SAMD4B: variants seen among roughly 807,000 people sequenced by gnomAD.
The protein encoded by SAMD4B is protein Smaug homolog 2.
In SAMD4B, 5 loss-of-function variants were observed where a neutral mutation model predicts 74.5. The observed-to-expected ratio is 0.07, with a 90% confidence interval of 0.04 to 0.14. The LOEUF (loss-of-function observed/expected upper bound fraction) is 0.14, where lower values mean the gene tolerates loss of function less well. Ranked by LOEUF, SAMD4B falls within the 10% of genes least tolerant of loss-of-function variation. The pLI is 1.00. For missense variants in SAMD4B, 608 were observed against 921.8 expected (o/e 0.66, Z 4.41); for synonymous variants, 373 against 374.9 (o/e 1.00, Z 0.06).
At chr19:39,351,874 C>T (rs1297489566) in intron 1 of SAMD4B, 2 of 152,256 alleles carry the variant, frequency 1.3e-5, no homozygotes, top group Non-Finnish European at 2.9e-5. Context: ...CCCATGTCCA[C>T]TTCTGGAGCC....
intron 4 of SAMD4B, among the ~76,000 whole-genome samples, chr19:39,372,290 C>T (rs967194907): frequency 6.6e-6 from 1 of 152,088 alleles, no homozygotes; most frequent in African/African-American, 2.4e-5. Flanking sequence ...TGTGCCTATC[C>T]CTCTGCTAAG....
chr19:39,372,720 G>A (rs575923796), intron 4 of SAMD4B, among the ~76,000 whole-genome samples: 1 of 152,236 alleles, frequency 6.6e-6, no homozygotes, highest in African/African-American at 2.4e-5. Flanking sequence ...TTCCAGTCAG[G>A]GTAATTTCCT....
At chr19:39,364,225 T>C (rs972723139) in intron 3 of SAMD4B, among the ~76,000 whole-genome samples, 1 of 152,252 alleles carries the variant, frequency 6.6e-6, no homozygotes, top group African/African-American at 2.4e-5. Flanking sequence ...CCTGGGGTCC[T>C]GGCAGTACTC....
In SAMD4B at chr19:39,379,983, G is replaced by A. The variant is rs2077858495; in HGVS notation, c.1548G>A (p.Gln516=). 13 of 1,613,870 alleles carry A rather than the reference G, an allele frequency of 8.1e-6. No homozygotes were observed. The highest frequency in any genetic ancestry group is 1.1e-5 in the Non-Finnish European group (13 of 1,179,948). Residue 516 remains glutamine (Q), a synonymous_variant, in exon 10 of 14, where the codon CAG becomes CAA. Transcript: ENST00000610417. ...CLTHEAFTET[Q]KKRLLSWKQQ... is the part of the protein sequence containing the mutation. ...AATTCTAGGCTTTCACGGAGACGCA[G>A]AAGAAACGGCTGCTATCCTGGAAAC...
intron 3 of SAMD4B, among the ~76,000 whole-genome samples, chr19:39,362,112 G>T (rs908868512): frequency 6.6e-6 from 1 of 152,172 alleles, no homozygotes. Context: ...GAGCTGCCCA[G>T]TTGTCTGCTT....
At chr19:39,386,383 T>TGCC, downstream of SAMD4B, 2 of 1,614,168 alleles carry the variant, frequency 1.2e-6, no homozygotes, top group Non-Finnish European at 1.7e-6. This position sits in a 1 kb window ranked among gnomAD's most constrained non-coding sequence, Gnocchi z 6.1. Flanking sequence ...TCACTGCTGC[T>TGCC]GCCCTTCTCC....
rs746313910 is a variant in SAMD4B, at chr19:39,370,036, A to T, written c.578A>T (p.Lys193Met). The T allele has an allele frequency of 6.2e-7, 1 of 1,612,166 alleles. No individual in the cohort carries two copies. The highest frequency in any genetic ancestry group is 1.1e-5 in the South Asian group (1 of 90,740). Residue 193 changes from lysine (K) to methionine (M), a missense_variant, in exon 4 of 14, where the codon AAG (lysine) becomes ATG (methionine). Lys to Met is a moderately conservative substitution (Grantham distance 95). Coordinates refer to ENST00000610417, the MANE Select transcript of SAMD4B (RefSeq NM_001384574.2). ...PGEAGPGWQDKPPRENGHVPF... is the reference protein window; with the variant it reads ...PGEAGPGWQDMPPRENGHVPF... ...GAGGCAGGGCCAGGCTGGCAGGACA[A>T]GCCACCCCGGGAAAATGGACACGTG... is the stretch of plus-strand genomic sequence containing the variant.
downstream of SAMD4B, chr19:39,386,620 G>A (rs745975047): frequency 2.4e-5 from 38 of 1,608,292 alleles, no homozygotes; most frequent in Admixed American, 8.3e-5. The surrounding 1 kb of genome is among the most constrained non-coding windows in gnomAD (Gnocchi z 6.1). Flanking sequence ...GTTCTGCTGG[G>A]TTTTTGTCCC....
At chr19:39,382,613 T>C (rs540615504) in intron 12 of SAMD4B, among the ~76,000 whole-genome samples, 1 of 151,976 alleles carries the variant, frequency 6.6e-6, no homozygotes, top group East Asian at 1.9e-4. Flanking sequence ...GTTTAAGCAG[T>C]GTAGTGAGGG....
At chr19:39,380,358 C>T (rs1468444826) in intron 10 of SAMD4B, among the ~76,000 whole-genome samples, 1 of 152,146 alleles carries the variant, frequency 6.6e-6, no homozygotes, top group Non-Finnish European at 1.5e-5. Context: ...ACAGAAATGT[C>T]TCCTTTGAGA....
intron 4 of SAMD4B, among the ~76,000 whole-genome samples, chr19:39,371,864 G>A (rs2077326825): frequency 6.6e-6 from 1 of 151,574 alleles, no homozygotes; most frequent in Admixed American, 6.6e-5. Context: ...TCTTTACTAG[G>A]AGCTATTCTA....
chr19:39,376,339 CTTTTGAGGCTTCCTGTGGG>C, intron 5 of SAMD4B, 79 bp from the exon 6 acceptor site: 1 of 991,388 alleles, frequency 1.0e-6, no homozygotes, highest in Non-Finnish European at 1.5e-6. Flanking sequence ...TTTTTTGCAT[CTTTTGAGGCTTCCTGTGGG>C]TTTATCCCCA....
intron 4 of SAMD4B, among the ~76,000 whole-genome samples, chr19:39,374,274 A>G (rs1399886386): frequency 6.6e-6 from 1 of 152,086 alleles, no homozygotes; most frequent in East Asian, 1.9e-4. Flanking sequence ...AAAAAAAAAA[A>G]TCAAGTTGGA....
downstream of SAMD4B, among the ~76,000 whole-genome samples, chr19:39,387,904 G>A (rs889406146): frequency 2.6e-5 from 4 of 152,152 alleles, no homozygotes; most frequent in Non-Finnish European, 4.4e-5. Flanking sequence ...TTGGGAGGCC[G>A]AGGCAGGCAG....
chr19:39,388,482 A>G (rs1313858756), downstream of SAMD4B: 2 of 1,614,184 alleles, frequency 1.2e-6, no homozygotes, highest in Non-Finnish European at 8.5e-7. Flanking sequence ...AGATGAGGGC[A>G]CAGGTTCAGC....
At chr19:39,380,135 G>A in intron 10 of SAMD4B, 51 bp downstream of exon 10, 1 of 1,415,764 alleles carries the variant, frequency 7.1e-7, no homozygotes, top group East Asian at 2.3e-5. Flanking sequence ...GCCTTTGCTG[G>A]TTAGCAGATC....
chr19:39,367,674 A>C (rs2077046112), intron 3 of SAMD4B, among the ~76,000 whole-genome samples: 1 of 150,796 alleles, frequency 6.6e-6, no homozygotes, highest in African/African-American at 2.4e-5. Flanking sequence ...ATGCCCGGTT[A>C]ATTTTTGTAT....
intron 1 of SAMD4B, among the ~76,000 whole-genome samples, chr19:39,345,996 C>T (rs1267723487): frequency 1.3e-5 from 2 of 152,170 alleles, no homozygotes; most frequent in East Asian, 1.9e-4. Flanking sequence ...TGACCTGCCT[C>T]ACCCGTCCTG....
chr19:39,390,011 G>A, downstream of SAMD4B: 1 of 1,381,038 alleles, frequency 7.2e-7, no homozygotes, highest in Non-Finnish European at 1.0e-6. Context: ...AACGAGACAA[G>A]CAGTCCCTGC....
Sources: gnomAD v4.1 joint callset for allele counts (sites outside exome capture counted in the v4.1 genomes callset) on GRCh38, gnomAD v4.1.1 for gene constraint, Gnocchi (gnomAD v3.1) non-coding constraint, MANE v1.5 for transcripts, NCBI Gene and HGNC (gene_info 2026-07-23, HGNC 2026-07-21) for gene names.